ACIN1: variants seen among roughly 807,000 people sequenced by gnomAD.
ACIN1 encodes apoptotic chromatin condensation inducer 1, also known as apoptotic chromatin condensation inducer in the nucleus.
In ACIN1, 16 loss-of-function variants were observed where a neutral mutation model predicts 146.6. The ratio of observed to expected loss-of-function variants is 0.11; its 90% CI spans 0.07 to 0.17. The LOEUF is 0.17. Ranked by LOEUF, ACIN1 falls within the 10% of genes least tolerant of loss-of-function variation. The pLI is 1.00. For synonymous variants in ACIN1, 569 were observed against 582.7 expected (o/e 0.98, Z 0.34); for missense variants, 1,357 against 1,609.3 (o/e 0.84, Z 2.68).
In ACIN1 at chr14:23,079,559, G is replaced by T; in HGVS notation, c.1776C>A (p.Ser592Arg). The T allele has an allele frequency of 1.2e-6, 2 of 1,601,862 alleles. No individual in the cohort carries two copies. Among genetic ancestry groups the T allele is most frequent in the Non-Finnish European group, 1.7e-6 (2 of 1,177,438 alleles). The change falls in exon 6 of 19, where the codon AGC (serine) becomes AGA (arginine). Residue 592 changes from serine (S) to arginine (R), a missense_variant. Ser to Arg is a moderately radical substitution (Grantham distance 110, BLOSUM62 -1). This residue lies in a region of ACIN1 where 771 missense variants were observed against 746.6 expected (regional missense o/e 1.03). Coordinates refer to ENST00000605057, the MANE Select transcript of ACIN1 (RefSeq NM_001386863.1). ...RSRSRSRSAS[S>R]NSRKSLSPGV... ...CTCTCATACTCACTTTTCTGCTGTTGCTTGATGCTGAACGAGAACGTGAAC... is the reference window on the plus strand; with the variant it reads ...CTCTCATACTCACTTTTCTGCTGTTTCTTGATGCTGAACGAGAACGTGAAC...
intron 8 of ACIN1, among the ~76,000 whole-genome samples, chr14:23,073,859 G>A (rs1439385914): frequency 2.2e-5 from 3 of 135,020 alleles, no homozygotes; most frequent in Non-Finnish European, 4.6e-5. Flanking sequence ...TTTTTTTTGA[G>A]ACGGAGTCTC....
In ACIN1 at chr14:23,062,231, G is replaced by A. The variant is rs1356739625; in HGVS notation, c.3036C>T (p.His1012=). 1.3e-5 allele frequency: 21 copies of A among 1,613,922 alleles called. No individual in the cohort carries two copies. The highest frequency in any genetic ancestry group is 1.6e-4 in the Middle Eastern group (1 of 6,084). ...EEAVATRTAL[H]GVKWPQSNPK... Reference sequence around the variant, plus strand: ...GATTGGACTGGGGCCATTTGACCCCGTGCAGAGCTGTGCGGGTGGCAACAG... The same window carrying A: ...GATTGGACTGGGGCCATTTGACCCCATGCAGAGCTGTGCGGGTGGCAACAG... The change falls in exon 16 of 19, where the codon CAC becomes CAT. Residue 1012 remains histidine (H), a synonymous_variant. Transcript: ENST00000605057.
At chr14:23,061,275 G>A (rs370519390) in intron 17 of ACIN1, 23 bp downstream of exon 17, 17 of 1,613,338 alleles carry the variant, frequency 1.1e-5, no homozygotes, top group African/African-American at 6.7e-5. Context: ...GTGGGTATGC[G>A]TACCCCATAG....
intron 8 of ACIN1, among the ~76,000 whole-genome samples, chr14:23,077,355 G>A (rs559274360): frequency 6.6e-6 from 1 of 152,270 alleles, no homozygotes; most frequent in African/African-American, 2.4e-5. Flanking sequence ...GCAGTTCAGG[G>A]TTCCTGATGT....
chr14:23,064,558 A>G, intron 10 of ACIN1, 70 bp from the exon 11 acceptor site: 2 of 1,560,112 alleles, frequency 1.3e-6, no homozygotes, highest in South Asian at 1.2e-5. Flanking sequence ...CGTAATACCT[A>G]CAGGTTACCT....
At chr14:23,072,677 C>T (rs745373827) in intron 8 of ACIN1, among the ~76,000 whole-genome samples, 3 of 152,198 alleles carry the variant, frequency 2.0e-5, no homozygotes, top group African/African-American at 7.2e-5. Context: ...CTCAGTGTCT[C>T]GTGTAACATT....
chr14:23,063,482 T>C lies in ACIN1; in HGVS notation c.2691A>G (p.Ser897=), dbSNP rs1365987431. The C allele has an allele frequency of 4.3e-6, 7 of 1,614,098 alleles. No individual in the cohort carries two copies. Among genetic ancestry groups the C allele is most frequent in the Non-Finnish European group, 5.9e-6 (7 of 1,180,034 alleles). ...CAGGTGGGGGCAAGGCCACCTCTAC[T>C]GACACCTGGGGAGGTACAGGAGGTT... is the stretch of plus-strand genomic sequence containing the variant. ...EAEPPVPPQV[S]VEVALPPPAE... is the part of the protein sequence containing the mutation. The change falls in exon 13 of 19, where the codon TCA becomes TCG. Residue 897 remains serine, a synonymous_variant. Coordinates refer to ENST00000605057, the MANE Select transcript of ACIN1 (RefSeq NM_001386863.1).
intron 9 of ACIN1, 188 bp downstream of exon 9, chr14:23,069,288 T>C (rs2047555286): frequency 2.3e-6 from 3 of 1,296,380 alleles, no homozygotes; most frequent in Admixed American, 3.9e-5. Flanking sequence ...GAATGAGCCC[T>C]GTCCCCGTCA....
intron 8 of ACIN1, 121 bp from the exon 9 acceptor site, chr14:23,069,738 G>A: frequency 1.1e-6 from 1 of 878,834 alleles, no homozygotes; most frequent in Non-Finnish European, 1.7e-6. Flanking sequence ...GTGGGATTAG[G>A]AGGGCTGCTT....
At chr14:23,087,062 T>C (rs1042617296) in intron 4 of ACIN1, among the ~76,000 whole-genome samples, 2 of 152,166 alleles carry the variant, frequency 1.3e-5, no homozygotes, top group African/African-American at 4.8e-5. Context: ...CCAGTAGCGT[T>C]TAGAAAAATG....
chr14:23,059,490 A>T lies in ACIN1; in HGVS notation c.3526-16T>A. On this transcript the variant is annotated splice_polypyrimidine_tract_variant and intron_variant, in intron 18 of 18. Transcript: ENST00000605057. ...TCTGAACGATCTGTAGCCAGGTAGG[A>T]AAGGCAGAGAATAGGCAGCTCAGTC... 2 of 1,607,942 alleles carry T rather than the reference A, an allele frequency of 1.2e-6. No individual in the cohort carries two copies. The highest frequency in any genetic ancestry group is 1.7e-6 in the Non-Finnish European group (2 of 1,175,790).
upstream of ACIN1, chr14:23,095,458 G>C (rs919630030): frequency 5.1e-5 from 48 of 934,938 alleles, no homozygotes; most frequent in Non-Finnish European, 7.1e-5. Context: ...TAGAGATGAG[G>C]CGCTGGGGCG....
intron 2 of ACIN1, among the ~76,000 whole-genome samples, chr14:23,091,495 G>A (rs1425444396): frequency 6.6e-6 from 1 of 151,338 alleles, no homozygotes; most frequent in Non-Finnish European, 1.5e-5. Context: ...TACTCAGGAG[G>A]TGGTGGGTGC....
At chr14:23,070,761 C>T (rs890958822) in intron 8 of ACIN1, among the ~76,000 whole-genome samples, 2 of 142,144 alleles carry the variant, frequency 1.4e-5, no homozygotes, top group Non-Finnish European at 3.2e-5. Flanking sequence ...TCCCAACAGG[C>T]TGACTGACTG....
intron 18 of ACIN1, among the ~76,000 whole-genome samples, chr14:23,059,819 A>G (rs1375591736): frequency 6.6e-6 from 1 of 150,840 alleles, no homozygotes; most frequent in Non-Finnish European, 1.5e-5. Flanking sequence ...ACGCCCGGCT[A>G]ATTTTTTTGT....
At chr14:23,069,648 G>GGGGCCCC in intron 8 of ACIN1, 31 bp from the exon 9 acceptor site, 3 of 589,370 alleles carry the variant, frequency 5.1e-6, no homozygotes, top group Non-Finnish European at 9.6e-6. Flanking sequence ...TGGTGGGGGG[G>GGGGCCCC]CGGGCAGAAA....
intron 4 of ACIN1, among the ~76,000 whole-genome samples, chr14:23,087,196 A>C (rs1190232420): frequency 6.6e-6 from 1 of 152,236 alleles, no homozygotes; most frequent in Non-Finnish European, 1.5e-5. Flanking sequence ...TATACCTGGA[A>C]GAATCTGATT....
chr14:23,065,759 G>C (rs761801242), intron 10 of ACIN1, among the ~76,000 whole-genome samples: 2 of 152,192 alleles, frequency 1.3e-5, no homozygotes, highest in Non-Finnish European at 2.9e-5. Context: ...ATTAAAATGT[G>C]ACTGGAGCAA....
At chr14:23,078,765 G>A in intron 7 of ACIN1, 55 bp downstream of exon 7, 1 of 1,556,438 alleles carries the variant, frequency 6.4e-7, no homozygotes, top group South Asian at 1.2e-5. Context: ...AAGACAAGAG[G>A]GAAGATCTTG....
Sources: allele counts gnomAD v4.1 joint callset (sites outside exome capture counted in the v4.1 genomes callset), GRCh38; gene constraint gnomAD v4.1.1; regional missense constraint gnomAD v4.1.1; transcripts MANE v1.5; gene names NCBI Gene and HGNC (gene_info 2026-07-23, HGNC 2026-07-21).